The following KIAA1328 variants were observed in gnomAD, a reference collection of about 807,000 sequenced individuals.
KIAA1328 encodes KIAA1328, also known as protein hinderin.
A neutral mutation model predicts 68.1 loss-of-function variants in KIAA1328; 52 were observed. That is an observed-to-expected ratio of 0.76 (90% CI 0.61 to 0.96). The LOEUF is 0.96. KIAA1328 is among the 40% of genes least tolerant of loss of function. KIAA1328 has a pLI of 0.00. For synonymous variants in KIAA1328, 232 were observed against 239.4 expected (o/e 0.97, Z 0.28); for missense variants, 641 against 677.6 (o/e 0.95, Z 0.60).
chr18:37,213,455 A>G (rs894248355), intron 9 of KIAA1328, among the ~76,000 whole-genome samples: 26 of 152,156 alleles, frequency 1.7e-4, no homozygotes, highest in African/African-American at 5.1e-4. Flanking sequence ...AGCTTCATCC[A>G]TGTCCCTACA....
At position 37,223,251 on chromosome 18, in the gene KIAA1328, C is replaced by T. The variant is rs1306141934; in HGVS notation, c.*1024C>T. ...TCTGCTCGTGGCCCCAAAGAACCAT[C>T]TCTACTTGCCAGAGTATGTTCCACC... On this transcript the variant is annotated 3_prime_UTR_variant, in exon 10 of 10. Coordinates refer to ENST00000280020, the MANE Select transcript of KIAA1328 (RefSeq NM_020776.3). 1.6e-5 allele frequency: 16 copies of T among 985,210 alleles called. No individual in the cohort carries two copies. The highest frequency in any genetic ancestry group is 1.9e-5 in the Non-Finnish European group (16 of 829,948). The allele number at this position is 985,210 out of a possible 1,614,324, so 61.0% of individuals were successfully genotyped here.
chr18:37,040,415 C>T (rs1277341470), intron 6 of KIAA1328, among the ~76,000 whole-genome samples: 1 of 152,134 alleles, frequency 6.6e-6, no homozygotes, highest in African/African-American at 2.4e-5. Flanking sequence ...AGCAGTCTGA[C>T]TTTATGGTCT....
Position 36,884,458 on chromosome 18 carries a change from T to C in KIAA1328, c.333-1099T>C, listed in dbSNP as rs556684436. Reference sequence around the variant, plus strand: ...ATGTGCTATATGCTTTGACACAAATTATTTCAAAGATAAGATACAATCAAC... The same window carrying C: ...ATGTGCTATATGCTTTGACACAAATCATTTCAAAGATAAGATACAATCAAC... On this transcript the variant is annotated intron_variant, in intron 4 of 9. Transcript: ENST00000280020. Among the ~76,000 whole-genome samples, 156 of 152,330 alleles carry C rather than the reference T, an allele frequency of 1.0e-3. 2 individuals are homozygous for C. The highest frequency in any genetic ancestry group is 3.7e-3 in the African/African-American group (154 of 41,572).
At chr18:37,059,111 G>C (rs1333244055) in intron 6 of KIAA1328, among the ~76,000 whole-genome samples, 1 of 151,964 alleles carries the variant, frequency 6.6e-6, no homozygotes, top group Non-Finnish European at 1.5e-5. Context: ...ATGTGACCTT[G>C]GGAAAGTTGT....
chr18:37,084,214 G>A, intron 7 of KIAA1328: 2 of 1,523,464 alleles, frequency 1.3e-6, no homozygotes, highest in East Asian at 2.5e-5. Flanking sequence ...GATATGAATG[G>A]CAGTGACTCT....
Position 37,223,090 on chromosome 18 carries a change from T to C in KIAA1328, c.*863T>C, listed in dbSNP as rs2060593952. ...CCATCACACGTGCTCCTGTGAACTTTCCATGGTTATGTCTACGGAAAATGC... is the reference window on the plus strand; with the variant it reads ...CCATCACACGTGCTCCTGTGAACTTCCCATGGTTATGTCTACGGAAAATGC... On this transcript the variant is annotated 3_prime_UTR_variant, in exon 10 of 10. Coordinates refer to ENST00000280020, the MANE Select transcript of KIAA1328 (RefSeq NM_020776.3). The C allele has an allele frequency of 1.1e-6, 1 of 919,482 alleles. No individual in the cohort carries two copies. The highest frequency in any genetic ancestry group is 1.3e-4 in the Admixed American group (1 of 7,754). The allele number at this position is 919,482 out of a possible 1,614,324, so 57.0% of individuals were successfully genotyped here.
intron 7 of KIAA1328, among the ~76,000 whole-genome samples, chr18:37,134,840 C>A (rs944025995): frequency 1.3e-5 from 2 of 152,138 alleles, no homozygotes; most frequent in African/African-American, 4.8e-5. Flanking sequence ...AGTTTTTCAA[C>A]CCTTGCCCTG....
intron 5 of KIAA1328, among the ~76,000 whole-genome samples, chr18:36,892,766 A>G (rs2048732094): frequency 6.6e-6 from 1 of 152,172 alleles, no homozygotes; most frequent in Non-Finnish European, 1.5e-5. Context: ...GATTCTTTCC[A>G]TTTGTATTAC....
intron 7 of KIAA1328, among the ~76,000 whole-genome samples, chr18:37,124,469 G>C (rs552889617): frequency 2.2e-4 from 34 of 151,906 alleles, no homozygotes; most frequent in Admixed American, 1.4e-3. Context: ...GTGGTTTCCT[G>C]TTGACCAATT....
chr18:37,012,664 T>C (rs2054016890), intron 6 of KIAA1328, among the ~76,000 whole-genome samples: 1 of 152,188 alleles, frequency 6.6e-6, no homozygotes, highest in Non-Finnish European at 1.5e-5. Flanking sequence ...TCTTACACAG[T>C]AGATGAATGA....
At chr18:36,956,270 A>G (rs189326656) in intron 5 of KIAA1328, among the ~76,000 whole-genome samples, 4 of 152,292 alleles carry the variant, frequency 2.6e-5, no homozygotes, top group African/African-American at 9.6e-5. Flanking sequence ...AAAGGTTGCA[A>G]TGACTGCTCT....
At chr18:37,119,720 G>T (rs746180126) in intron 7 of KIAA1328, among the ~76,000 whole-genome samples, 1 of 152,152 alleles carries the variant, frequency 6.6e-6, no homozygotes, top group Non-Finnish European at 1.5e-5. Flanking sequence ...GTGTGTTTGT[G>T]TGTGTGTGTG....
Position 37,224,812 on chromosome 18 carries a change from A to G in KIAA1328, c.*2585A>G, listed in dbSNP as rs937851429. 13 of 985,318 alleles carry G rather than the reference A, an allele frequency of 1.3e-5. No individual in the cohort carries two copies. The highest frequency in any genetic ancestry group is 2.3e-4 in the East Asian group (2 of 8,826). The allele number at this position is 985,318 out of a possible 1,614,324, so 61.0% of individuals were successfully genotyped here. ...CCGAGGGCGTTGCGGATAGTGCCTCACCATTGCCCACCCTGCTGCCCAACT... is the reference window on the plus strand; with the variant it reads ...CCGAGGGCGTTGCGGATAGTGCCTCGCCATTGCCCACCCTGCTGCCCAACT... On this transcript the variant is annotated 3_prime_UTR_variant, in exon 10 of 10. Transcript: ENST00000280020.
chr18:37,211,265 A>G (rs941301931), intron 9 of KIAA1328, among the ~76,000 whole-genome samples: 5 of 152,178 alleles, frequency 3.3e-5, no homozygotes, highest in African/African-American at 1.2e-4. Flanking sequence ...TGGCTCTGCC[A>G]CTCACTTGCT....
chr18:36,830,042 CTG>C (rs1197743443), intron 1 of KIAA1328, among the ~76,000 whole-genome samples: 1 of 152,196 alleles, frequency 6.6e-6, no homozygotes, highest in Non-Finnish European at 1.5e-5. Context: ...GGACGGCAAT[CTG>C]TGTTACTGAG....
At chr18:37,014,472 C>T (rs1250226177) in intron 6 of KIAA1328, among the ~76,000 whole-genome samples, 1 of 152,140 alleles carries the variant, frequency 6.6e-6, no homozygotes, top group Non-Finnish European at 1.5e-5. Flanking sequence ...TTAGTTTGTT[C>T]TCGCATTGCT....
At chr18:36,983,493 C>T (rs560306878) in intron 6 of KIAA1328, among the ~76,000 whole-genome samples, 1 of 151,486 alleles carries the variant, frequency 6.6e-6, no homozygotes, top group African/African-American at 2.4e-5. Flanking sequence ...GTTAATAGAA[C>T]GAGGAAAATC....
At chr18:36,861,701 A>T (rs11081968) in intron 4 of KIAA1328, among the ~76,000 whole-genome samples, 3 of 151,854 alleles carry the variant, frequency 2.0e-5, no homozygotes, top group African/African-American at 7.3e-5. Context: ...GACAGGATCT[A>T]GCTCTGTTGC....
intron 9 of KIAA1328, 70 bp downstream of exon 9, chr18:37,173,151 A>G (rs934441013): frequency 8.9e-7 from 1 of 1,119,006 alleles, no homozygotes; most frequent in Admixed American, 2.2e-5. Flanking sequence ...TTTATTTAAT[A>G]AGGAAGGGAA....
Sources: gnomAD v4.1 joint callset for allele counts (sites outside exome capture counted in the v4.1 genomes callset) on GRCh38, gnomAD v4.1.1 for gene constraint, MANE v1.5 for transcripts, NCBI Gene and HGNC (gene_info 2026-07-23, HGNC 2026-07-21) for gene names.